CEP250: variants seen among roughly 807,000 people sequenced by gnomAD.
CEP250 encodes the protein centrosome-associated protein CEP250.
In CEP250, 242 loss-of-function variants were observed where a neutral mutation model predicts 315.7. The observed-to-expected ratio is 0.77, with a 90% CI of 0.69 to 0.85. The LOEUF (loss-of-function observed/expected upper bound fraction) is 0.85, where lower values mean the gene tolerates loss of function less well. Among genes scored for constraint, CEP250 ranks in the 40% least tolerant of loss-of-function variants. The probability of loss-of-function intolerance (pLI) is 0.00; values close to 1 mark genes in which losing one functional copy is unlikely to be tolerated. For missense variants in CEP250, 2,515 were observed against 2,886.4 expected, an observed-to-expected ratio of 0.87 and a Z score of 2.95; for synonymous variants, 1,088 against 1,175.0, an observed-to-expected ratio of 0.93 and a Z score of 1.51.
intron 5 of CEP250, 31 bp downstream of exon 5, chr20:35,463,662 G>A: frequency 6.3e-7 from 1 of 1,578,876 alleles, no homozygotes; most frequent in Non-Finnish European, 8.6e-7. Flanking sequence ...TGCACCCCCT[G>A]GGTCCTCAGT....
At chr20:35,501,083 G>T (rs2063988730) in intron 28 of CEP250, among the ~76,000 whole-genome samples, 1 of 152,174 alleles carries the variant, frequency 6.6e-6, no homozygotes, top group Non-Finnish European at 1.5e-5. Flanking sequence ...ATCTGGGGAG[G>T]ATATATCCAT....
chr20:35,498,130 A>G lies in CEP250; in HGVS notation c.3655+63A>G, dbSNP rs2063897683. ...AAGCCAGGCCTGGCTCCCAGGGGAA[A>G]GGGAGAGGAATGCTATTTGTTAGAC... On this transcript the variant is annotated intron_variant, in intron 26 of 34. Transcript: ENST00000397527. 4 of 1,212,112 alleles carry G rather than the reference A, an allele frequency of 3.3e-6. No individual in the cohort carries two copies. The Admixed American group carries it at 1.1e-4, about 34-fold the overall frequency. The allele number at this position is 1,212,112 out of a possible 1,614,324, so 75.1% of individuals were successfully genotyped here.
intron 22 of CEP250, among the ~76,000 whole-genome samples, chr20:35,492,092 G>A (rs1035077162): frequency 1.3e-5 from 2 of 152,068 alleles, no homozygotes; most frequent in African/African-American, 2.4e-5. Flanking sequence ...GTCAAAGGAG[G>A]TTCACTTTGC....
intron 1 of CEP250, 105 bp from the exon 2 acceptor site, chr20:35,458,199 T>C (rs2062673993): frequency 6.6e-6 from 1 of 152,228 alleles, no homozygotes; most frequent in Non-Finnish European, 1.5e-5. Flanking sequence ...GGTGGTAGTG[T>C]TGCTTCTCTT....
At chr20:35,459,474 T>G (rs1648493172) in intron 2 of CEP250, among the ~76,000 whole-genome samples, 1 of 152,082 alleles carries the variant, frequency 6.6e-6, no homozygotes, top group Non-Finnish European at 1.5e-5. Flanking sequence ...AAATTGCCAT[T>G]TTTGTAGATA....
chr20:35,472,881 T>G, intron 12 of CEP250, 50 bp downstream of exon 12: 3 of 1,598,708 alleles, frequency 1.9e-6, no homozygotes, highest in Non-Finnish European at 2.6e-6. Context: ...GTGTCTAAAC[T>G]GGTTTGTGCC....
chr20:35,465,578 T>C (rs2062856710), intron 5 of CEP250, among the ~76,000 whole-genome samples, 165 bp from the exon 6 acceptor site: 1 of 152,186 alleles, frequency 6.6e-6, no homozygotes, highest in Admixed American at 6.5e-5. Context: ...GGTCATCAGT[T>C]TACTTTTGGA....
intron 24 of CEP250, among the ~76,000 whole-genome samples, chr20:35,495,395 T>C (rs1301999684): frequency 3.9e-5 from 6 of 152,174 alleles, no homozygotes; most frequent in Non-Finnish European, 7.4e-5. Flanking sequence ...TGTAATGCCA[T>C]GAGACATCAG....
At chr20:35,509,849 C>A (rs992922059) in intron 33 of CEP250, 149 bp from the exon 34 acceptor site, 11 of 709,456 alleles carry the variant, frequency 1.6e-5, no homozygotes, top group Admixed American at 4.5e-5. Flanking sequence ...GGCCTGCTGC[C>A]CCATAGACGT....
Position 35,467,442 on chromosome 20 carries a change from G to T in CEP250, c.738G>T (p.Leu246=). The change falls in exon 9 of 35, where the codon CTG becomes CTT. Residue 246 remains leucine, a synonymous_variant. Coordinates refer to ENST00000397527, the MANE Select transcript of CEP250 (RefSeq NM_007186.6). ...TGGATGGGCGGGAGCCGGCCCAGCT[G>T]CTGCTGCTACTAGCCAAGACCCAGG... ...GRMDGREPAQ[L]LLLLAKTQEL... 1 of 1,614,222 alleles carries T rather than the reference G, an allele frequency of 6.2e-7. No individual in the cohort carries two copies. The highest frequency in any genetic ancestry group is 8.5e-7 in the Non-Finnish European group (1 of 1,180,038).
rs1215447362 is a variant in CEP250, at chr20:35,467,301, C to T, written c.600-3C>T. On this transcript the variant is annotated splice_polypyrimidine_tract_variant and splice_region_variant and intron_variant, in intron 8 of 34. Coordinates refer to ENST00000397527, the MANE Select transcript of CEP250 (RefSeq NM_007186.6). Reference sequence around the variant, plus strand: ...GTCTGCTGTTTTCCTTGCTTGTACTCAGAGATCTGATGGAGCTAAAAGCTG... The same window carrying T: ...GTCTGCTGTTTTCCTTGCTTGTACTTAGAGATCTGATGGAGCTAAAAGCTG... 3.7e-6 allele frequency: 6 copies of T among 1,610,872 alleles called. No homozygotes were observed. Among genetic ancestry groups the T allele is most frequent in the Admixed American group, 1.7e-5 (1 of 59,872 alleles).
intron 18 of CEP250, 105 bp from the exon 19 acceptor site, chr20:35,479,541 C>T: frequency 6.5e-7 from 1 of 1,541,512 alleles, no homozygotes; most frequent in Non-Finnish European, 8.8e-7. Context: ...TTTATAATTG[C>T]CCCCCTAACT....
Position 35,511,350 on chromosome 20 carries a change from T to C in CEP250, c.7066-13T>C. ...AGCTGCTCTCGCTTTTTTTTTTTTT[T>C]CCTGCCCACCAGGTGGTCCTGCTGC... On this transcript the variant is annotated splice_polypyrimidine_tract_variant and intron_variant, in intron 34 of 34. Coordinates refer to ENST00000397527, the MANE Select transcript of CEP250 (RefSeq NM_007186.6). The C allele has an allele frequency of 6.4e-7, 1 of 1,570,330 alleles. No individual in the cohort carries two copies. Among genetic ancestry groups the C allele is most frequent in the Non-Finnish European group, 8.6e-7 (1 of 1,156,862 alleles).
chr20:35,477,513 G>A (rs2063207753), intron 16 of CEP250, among the ~76,000 whole-genome samples: 1 of 152,208 alleles, frequency 6.6e-6, no homozygotes, highest in African/African-American at 2.4e-5. Context: ...AAAAGAATCT[G>A]CTGAAGAGCC....
intron 10 of CEP250, 132 bp downstream of exon 10, chr20:35,470,118 G>A: frequency 1.5e-6 from 1 of 649,368 alleles, no homozygotes; most frequent in African/African-American, 1.8e-5. Flanking sequence ...AATAAATTTT[G>A]GCTGAATCTG....
At position 35,504,524 on chromosome 20, in the gene CEP250, G is replaced by A; in HGVS notation, c.6155G>A (p.Arg2052Lys). The change falls in exon 30 of 35, where the codon AGA (arginine) becomes AAA (lysine). Residue 2052 changes from arginine to lysine, a missense_variant. By Grantham distance (26) the Arg-to-Lys change is conservative. Transcript: ENST00000397527. ...CTTGCCCAGAGGGATGAAGAGCTGA[G>A]ACATCAGCAGGAACGGGAGCAGCTG... ...QALAQRDEELRHQQEREQLLE... is the reference protein window; with the variant it reads ...QALAQRDEELKHQQEREQLLE... The A allele has an allele frequency of 1.2e-6, 2 of 1,613,998 alleles. No individual in the cohort carries two copies. Among genetic ancestry groups the A allele is most frequent in the Non-Finnish European group, 1.7e-6 (2 of 1,179,934 alleles).
intron 20 of CEP250, among the ~76,000 whole-genome samples, chr20:35,488,117 C>G (rs1601230705): frequency 1.3e-5 from 2 of 152,332 alleles, no homozygotes; most frequent in South Asian, 4.1e-4. Context: ...GCAGAATATT[C>G]TGTTCATGGT....
Position 35,462,538 on chromosome 20 carries a change from G to A in CEP250, c.171G>A (p.Arg57=). The change falls in exon 4 of 35, where the codon AGG becomes AGA. Residue 57 remains arginine, a synonymous_variant. Coordinates refer to ENST00000397527, the MANE Select transcript of CEP250 (RefSeq NM_007186.6). ...EAQQRQATLV[R]KLQAKVLQYR... ...AGCAGAGACAAGCAACCCTTGTGAG[G>A]AAGCTGCAGGCCAAGGTGAGGCAGC... 3.1e-6 allele frequency: 5 copies of A among 1,605,198 alleles called. No homozygotes were observed. The highest frequency in any genetic ancestry group is 4.3e-6 in the Non-Finnish European group (5 of 1,175,878).
At chr20:35,470,553 C>T (rs553372994) in intron 10 of CEP250, among the ~76,000 whole-genome samples, 5 of 152,178 alleles carry the variant, frequency 3.3e-5, no homozygotes, top group Middle Eastern at 3.4e-3. Flanking sequence ...AGTTTGAGAC[C>T]GGCCTGACCA....
Sources: allele counts gnomAD v4.1 joint callset (sites outside exome capture counted in the v4.1 genomes callset), GRCh38; gene constraint gnomAD v4.1.1; transcripts MANE v1.5; gene names NCBI Gene and HGNC (gene_info 2026-07-23, HGNC 2026-07-21).